GUCY2C: variants seen among roughly 807,000 people sequenced by gnomAD.
The protein encoded by GUCY2C is guanylyl cyclase C.
In GUCY2C, 118 loss-of-function variants were observed where a neutral mutation model predicts 131.1. The ratio of observed to expected loss-of-function variants is 0.90; its 90% confidence interval spans 0.78 to 1.05. GUCY2C has a LOEUF of 1.05. Ranked by LOEUF, GUCY2C falls within the 50% of genes least tolerant of loss-of-function variation. GUCY2C has a pLI of 0.00. For synonymous variants in GUCY2C, 452 were observed against 457.8 expected (o/e 0.99, Z 0.16); for missense variants, 1,161 against 1,304.4 (o/e 0.89, Z 1.69).
chr12:14,693,176 A>G (rs1948603673), intron 1 of GUCY2C, among the ~76,000 whole-genome samples: 1 of 152,114 alleles, frequency 6.6e-6, no homozygotes, highest in South Asian at 2.1e-4. Context: ...GGGAGGATGG[A>G]TGGAAAGCTG....
At chr12:14,680,477 G>A (rs571375469) in intron 5 of GUCY2C, among the ~76,000 whole-genome samples, 6 of 152,182 alleles carry the variant, frequency 3.9e-5, no homozygotes, top group African/African-American at 1.4e-4. Context: ...TTTGCAACTG[G>A]TAGGCCATTA....
intron 13 of GUCY2C, 63 bp from the exon 14 acceptor site, chr12:14,652,093 A>G (rs1947672399): frequency 3.4e-6 from 3 of 871,642 alleles, no homozygotes; most frequent in Non-Finnish European, 5.7e-6. Flanking sequence ...TGCATATTAT[A>G]ACAGTTTGTT....
intron 6 of GUCY2C, among the ~76,000 whole-genome samples, chr12:14,678,933 C>T (rs901981554): frequency 1.3e-5 from 2 of 152,160 alleles, no homozygotes; most frequent in Non-Finnish European, 2.9e-5. Context: ...TCTCTACGCT[C>T]CAGCATTTTT....
At chr12:14,650,585 T>C (rs887490442) in intron 15 of GUCY2C, among the ~76,000 whole-genome samples, 2 of 152,134 alleles carry the variant, frequency 1.3e-5, no homozygotes, top group African/African-American at 4.8e-5. Context: ...TTAGCACCAT[T>C]TTCCTCTGTG....
At chr12:14,663,791 T>C (rs1457051110) in intron 10 of GUCY2C, among the ~76,000 whole-genome samples, 1 of 152,160 alleles carries the variant, frequency 6.6e-6, no homozygotes, top group Admixed American at 6.5e-5. Context: ...CAAGACCTGG[T>C]AAAGTATCAA....
At chr12:14,688,610 A>G (rs2137106841) in intron 1 of GUCY2C, among the ~76,000 whole-genome samples, 3 of 152,356 alleles carry the variant, frequency 2.0e-5, no homozygotes, top group Middle Eastern at 6.8e-3. Flanking sequence ...ACAAACAGTT[A>G]TTAAGTTCCT....
chr12:14,688,402 T>A (rs1213773041), intron 1 of GUCY2C, among the ~76,000 whole-genome samples: 1 of 152,178 alleles, frequency 6.6e-6, no homozygotes, highest in African/African-American at 2.4e-5. Flanking sequence ...TTTAGAACAT[T>A]TTCATTGTGT....
intron 1 of GUCY2C, among the ~76,000 whole-genome samples, chr12:14,688,560 T>G (rs1480669455): frequency 6.6e-6 from 1 of 152,230 alleles, no homozygotes; most frequent in East Asian, 1.9e-4. Context: ...TGCAGGAGGC[T>G]GCAGTCTTCC....
In GUCY2C at chr12:14,622,096, C is replaced by T. The variant is rs767077587; in HGVS notation, c.2510G>A (p.Cys837Tyr). 6.2e-7 allele frequency: 1 copy of T among 1,609,354 alleles called. No individual in the cohort carries two copies. Among genetic ancestry groups the T allele is most frequent in the East Asian group, 2.2e-5 (1 of 44,664 alleles). The change falls in exon 22 of 27, where the codon TGC (cysteine) becomes TAC (tyrosine). Residue 837 changes from cysteine (C) to tyrosine (Y), a missense_variant. By Grantham distance (194) the Cys-to-Tyr change is radical (BLOSUM62 -2). Transcript: ENST00000261170. ...FSDIVGFTTI[C>Y]KYSTPMEVVD... ...CACTTCCATGGGGGTGCTGTATTTG[C>T]AGATAGTAGTGAAACCTACAATGTC...
At chr12:14,640,702 G>A (rs756978380) in intron 18 of GUCY2C, among the ~76,000 whole-genome samples, 16 of 152,128 alleles carry the variant, frequency 1.1e-4, no homozygotes, top group Non-Finnish European at 2.1e-4. Context: ...TTGAGAGGAC[G>A]TGTGGCCAAA....
At chr12:14,665,073 G>T (rs1264323447) in intron 10 of GUCY2C, among the ~76,000 whole-genome samples, 1 of 152,026 alleles carries the variant, frequency 6.6e-6, no homozygotes, top group African/African-American at 2.4e-5. Context: ...TTAGCCGGCC[G>T]CGGTGGCAGG....
chr12:14,679,823 G>T, intron 5 of GUCY2C, 70 bp from the exon 6 acceptor site: 2 of 776,494 alleles, frequency 2.6e-6, no homozygotes, highest in South Asian at 1.5e-5. Context: ...GGAACCAGTT[G>T]CCTGAATTTG....
chr12:14,651,308 C>A, intron 15 of GUCY2C, 99 bp downstream of exon 15: 1 of 639,686 alleles, frequency 1.6e-6, no homozygotes, highest in South Asian at 2.2e-5. Flanking sequence ...CCAACTTTCC[C>A]TGATTTTCTC....
intron 19 of GUCY2C, among the ~76,000 whole-genome samples, chr12:14,635,308 G>T (rs1947242439): frequency 6.6e-6 from 1 of 151,906 alleles, no homozygotes; most frequent in South Asian, 2.1e-4. Context: ...AATACCAGGA[G>T]GAACTTTGGA....
intron 4 of GUCY2C, among the ~76,000 whole-genome samples, chr12:14,682,383 C>T (rs186974652): frequency 6.6e-6 from 1 of 152,168 alleles, no homozygotes; most frequent in Non-Finnish European, 1.5e-5. Context: ...TTGCTTAGCA[C>T]TTTTCCTTCC....
At position 14,622,266 on chromosome 12, in the gene GUCY2C, T is replaced by C. The variant is rs1335314992; in HGVS notation, c.2409-69A>G. ...TTTCTTCTTGTTTCACATAAATCTT[T>C]CAGGTAGTAGTGATTGTCTACCAAG... On this transcript the variant is annotated intron_variant, in intron 21 of 26. Transcript: ENST00000261170. 4.9e-6 allele frequency: 5 copies of C among 1,019,870 alleles called. No homozygotes were observed. In the East Asian group the frequency reaches 1.1e-4, roughly 23 times the overall value. 63.2% of individuals were successfully genotyped at this position (1,019,870 alleles called of 1,614,324 possible). A position where few individuals can be genotyped will look rare whatever the true frequency, so the allele number is the denominator to read the frequency against.
At position 14,676,856 on chromosome 12, in the gene GUCY2C, G is replaced by C. The variant is rs772809907; in HGVS notation, c.946C>G (p.Pro316Ala). The C allele has an allele frequency of 1.7e-6, 2 of 1,189,410 alleles. No individual in the cohort carries two copies. Among genetic ancestry groups the C allele is most frequent in the Admixed American group, 1.9e-5 (1 of 52,084 alleles). The allele number at this position is 1,189,410 out of a possible 1,614,324, so 73.7% of individuals were successfully genotyped here. A position where few individuals can be genotyped will look rare whatever the true frequency, so the allele number is the denominator to read the frequency against. The change falls in exon 7 of 27, where the codon CCA becomes GCA. Residue 316 changes from proline to alanine, a missense_variant and splice_region_variant. Coordinates refer to ENST00000261170, the MANE Select transcript of GUCY2C (RefSeq NM_004963.4). ...TATAACATAAAATAATAGCTTACTG[G>C]TGATAGATTCCTGGAGAAAGAGCTA... Reference protein sequence around the residue: ...LNSSFSRNLSPTKRDFALAYL... With the variant: ...LNSSFSRNLSATKRDFALAYL...
At chr12:14,638,740 G>C (rs979428905) in intron 19 of GUCY2C, among the ~76,000 whole-genome samples, 1 of 152,226 alleles carries the variant, frequency 6.6e-6, no homozygotes, top group Admixed American at 6.5e-5. Flanking sequence ...AAGAGAGGTA[G>C]GTTAATGGGT....
chr12:14,631,436 G>A (rs1018156839), intron 19 of GUCY2C, among the ~76,000 whole-genome samples: 9 of 145,330 alleles, frequency 6.2e-5, no homozygotes, highest in African/African-American at 2.3e-4. Context: ...CTGTGTCCAT[G>A]TGTTCTCATT....
Sources: gnomAD v4.1 joint callset for allele counts (sites outside exome capture counted in the v4.1 genomes callset) on GRCh38, gnomAD v4.1.1 for gene constraint, MANE v1.5 for transcripts, NCBI Gene and HGNC (gene_info 2026-07-23, HGNC 2026-07-21) for gene names.